The following ACTR3 variants were observed in gnomAD, a reference collection of about 807,000 sequenced individuals.
ACTR3 encodes the protein actin-related protein 3.
A neutral mutation model predicts 56.8 loss-of-function variants in ACTR3; 12 were observed. The observed-to-expected ratio is 0.21, with a 90% confidence interval of 0.14 to 0.34. The LOEUF is 0.34. ACTR3 is among the 10% of genes least tolerant of loss of function. The pLI, the probability that ACTR3 is intolerant of heterozygous loss-of-function variation, is 1.00. For missense variants in ACTR3, 282 were observed against 512.5 expected, an observed-to-expected ratio of 0.55 and a Z score of 4.34; for synonymous variants, 162 against 167.4, an observed-to-expected ratio of 0.97 and a Z score of 0.25.
intron 1 of ACTR3, among the ~76,000 whole-genome samples, chr2:113,900,423 G>A (rs1162068269): frequency 6.6e-6 from 1 of 152,174 alleles, no homozygotes; most frequent in Non-Finnish European, 1.5e-5. Flanking sequence ...TGGGGCAAGT[G>A]CTGACTGCTG....
chr2:113,940,761 G>GT (rs925677722), intron 7 of ACTR3, among the ~76,000 whole-genome samples: 101 of 136,950 alleles, frequency 7.4e-4, no homozygotes, highest in Admixed American at 1.2e-3. Context: ...TGTTTCCATG[G>GT]TTTTTTTTTT....
intron 8 of ACTR3, chr2:113,950,741 AT>A (rs1680105741): frequency 6.6e-6 from 1 of 152,234 alleles, no homozygotes. Flanking sequence ...AGTTACTGGT[AT>A]GTGCATTTAA....
At chr2:113,901,584 T>G (rs763228653) in intron 1 of ACTR3, among the ~76,000 whole-genome samples, 5 of 152,216 alleles carry the variant, frequency 3.3e-5, no homozygotes, top group Admixed American at 1.3e-4. Flanking sequence ...TCATTCATAT[T>G]AAGATAGAAT....
intron 10 of ACTR3, chr2:113,953,678 A>G: frequency 6.6e-6 from 1 of 151,724 alleles, no homozygotes; most frequent in South Asian, 2.1e-4. Flanking sequence ...TTCTATAAAT[A>G]GGTGTGTGTA....
At chr2:113,954,656 ATCT>A (rs1048333806) in intron 10 of ACTR3, 5 of 147,934 alleles carry the variant, frequency 3.4e-5, no homozygotes, top group African/African-American at 1.3e-4. Flanking sequence ...ATGCAGCCAC[ATCT>A]TTTTTTTTGC....
At chr2:113,943,939 A>G (rs571387699) in intron 8 of ACTR3, among the ~76,000 whole-genome samples, 5 of 152,326 alleles carry the variant, frequency 3.3e-5, no homozygotes, top group African/African-American at 1.2e-4. Context: ...GTGAACACAG[A>G]CACGTGGACA....
At chr2:113,919,226 C>G (rs1228389660) in intron 3 of ACTR3, among the ~76,000 whole-genome samples, 3 of 152,178 alleles carry the variant, frequency 2.0e-5, no homozygotes, top group Non-Finnish European at 2.9e-5. Context: ...TATCTGATAT[C>G]TAGTCATTGC....
chr2:113,923,474 T>C (rs1679557210), intron 3 of ACTR3, among the ~76,000 whole-genome samples: 1 of 151,998 alleles, frequency 6.6e-6, no homozygotes, highest in Admixed American at 6.6e-5. Context: ...TAGTTGGGAC[T>C]ACAGGCGCCC....
chr2:113,892,264 C>T (rs1262889523), intron 1 of ACTR3, among the ~76,000 whole-genome samples: 1 of 152,122 alleles, frequency 6.6e-6, no homozygotes, highest in African/African-American at 2.4e-5. Context: ...CCAGTAGGAT[C>T]GGGAAGAGGG....
intron 1 of ACTR3, among the ~76,000 whole-genome samples, chr2:113,893,096 C>A (rs1678937217): frequency 1.3e-5 from 2 of 151,966 alleles, no homozygotes; most frequent in Non-Finnish European, 2.9e-5. Context: ...ACATAGATTC[C>A]CATTGGTGGC....
At chr2:113,937,866 GTA>G (rs1396834872) in intron 6 of ACTR3, among the ~76,000 whole-genome samples, 4 of 151,930 alleles carry the variant, frequency 2.6e-5, no homozygotes, top group Non-Finnish European at 5.9e-5. Flanking sequence ...TGAGCTTCTT[GTA>G]TATATAGTTT....
intron 6 of ACTR3, 109 bp from the exon 7 acceptor site, chr2:113,939,850 C>A: frequency 2.0e-6 from 2 of 983,534 alleles, no homozygotes; most frequent in Non-Finnish European, 2.9e-6. Context: ...GTACTTGAGA[C>A]TATAAATACA....
At chr2:113,896,298 A>G (rs1679006825) in intron 1 of ACTR3, among the ~76,000 whole-genome samples, 1 of 152,238 alleles carries the variant, frequency 6.6e-6, no homozygotes, top group Non-Finnish European at 1.5e-5. Context: ...TTCTTAAAGA[A>G]AGGAATACAG....
Position 113,942,215 on chromosome 2 carries a change from A to G in ACTR3, c.714A>G (p.Leu238=), listed in dbSNP as rs373584328. 14 of 1,585,466 alleles carry G rather than the reference A, an allele frequency of 8.8e-6. No homozygotes were observed. In the African/African-American group the frequency reaches 1.9e-4, roughly 22 times the overall value. ...KERYSYVCPD[L]VKEFNKYDTD... ...GCTATAGTTATGTCTGCCCAGATTT[A>G]GTAAAAGAATTTAACAAGTATGATA... Residue 238 remains leucine, a synonymous_variant, in exon 8 of 12, where the codon TTA becomes TTG. Coordinates refer to ENST00000263238, the MANE Select transcript of ACTR3 (RefSeq NM_005721.5).
intron 1 of ACTR3, among the ~76,000 whole-genome samples, chr2:113,893,257 G>A (rs542279027): frequency 1.5e-5 from 2 of 130,036 alleles, no homozygotes; most frequent in Admixed American, 7.3e-5. Flanking sequence ...GGAAGGGATC[G>A]TTTTTTAAAT....
intron 11 of ACTR3, among the ~76,000 whole-genome samples, chr2:113,956,894 A>G (rs1320846005): frequency 6.6e-6 from 1 of 152,230 alleles, no homozygotes; most frequent in African/African-American, 2.4e-5. Flanking sequence ...AGCATGGAAC[A>G]GTCTATCTTT....
At position 113,939,109 on chromosome 2, in the gene ACTR3, C is replaced by T. The variant is rs372483179; in HGVS notation, c.541-850C>T. Reference sequence around the variant, plus strand: ...TGCGATCTCGACTCACTGCAAGCTCCGCCTCCCGGGTTCACGCCATTCTCC... The same window carrying T: ...TGCGATCTCGACTCACTGCAAGCTCTGCCTCCCGGGTTCACGCCATTCTCC... On this transcript the variant is annotated intron_variant, in intron 6 of 11. Coordinates refer to ENST00000263238, the MANE Select transcript of ACTR3 (RefSeq NM_005721.5). 5.8e-4 allele frequency among the ~76,000 whole-genome samples: 88 copies of T among 151,798 alleles called. 2 individuals are homozygous for T. The highest frequency in any genetic ancestry group is 1.3e-3 in the African/African-American group (54 of 41,368).
chr2:113,929,398 C>T (rs531931515), intron 4 of ACTR3, among the ~76,000 whole-genome samples: 4 of 152,232 alleles, frequency 2.6e-5, no homozygotes, highest in African/African-American at 7.2e-5. Context: ...GCCATGGCCT[C>T]TCAAAGTGCT....
chr2:113,942,285 A>G lies in ACTR3; in HGVS notation c.784A>G (p.Ile262Val), dbSNP rs1390289034. 1.7e-5 allele frequency: 28 copies of G among 1,604,422 alleles called. No individual in the cohort carries two copies. The highest frequency in any genetic ancestry group is 2.4e-5 in the Non-Finnish European group (28 of 1,176,272). ...WIKQYTGINA[I>V]SKKEFSIDVG... ...TAAACAGTATACTGGAATCAATGCTATCTCAAAGAAAGAGTTTTCTATCGA... is the reference window on the plus strand; with the variant it reads ...TAAACAGTATACTGGAATCAATGCTGTCTCAAAGAAAGAGTTTTCTATCGA... The change falls in exon 8 of 12, where the codon ATC (isoleucine) becomes GTC (valine). Residue 262 changes from isoleucine (I) to valine (V), a missense_variant. Transcript: ENST00000263238.
Sources: allele counts gnomAD v4.1 joint callset (sites outside exome capture counted in the v4.1 genomes callset), GRCh38; gene constraint gnomAD v4.1.1; transcripts MANE v1.5; gene names NCBI Gene and HGNC (gene_info 2026-07-23, HGNC 2026-07-21).